The following NEK4 variants were observed in gnomAD, a reference collection of about 807,000 sequenced individuals.
NEK4 encodes the protein serine/threonine-protein kinase Nek4.
A neutral mutation model predicts 98.4 loss-of-function variants in NEK4; 86 were observed. The observed-to-expected ratio is 0.87, with a 90% CI of 0.73 to 1.05. The LOEUF is 1.05. NEK4 is among the 50% of genes least tolerant of loss of function. The probability of loss-of-function intolerance (pLI) is 0.00; values close to 1 mark genes in which losing one functional copy is unlikely to be tolerated. For missense variants in NEK4, 898 were observed against 950.3 expected (o/e 0.94, Z 0.72); for synonymous variants, 328 against 342.2 (o/e 0.96, Z 0.46).
At chr3:52,751,108 C>T (rs139934524) in intron 7 of NEK4, among the ~76,000 whole-genome samples, 69 of 151,676 alleles carry the variant, frequency 4.5e-4, no homozygotes, top group Middle Eastern at 3.4e-3. Flanking sequence ...GTCGGGAGTT[C>T]GAGACCAGCC....
chr3:52,757,344 G>C (rs981736279), intron 6 of NEK4, among the ~76,000 whole-genome samples: 2 of 152,172 alleles, frequency 1.3e-5, no homozygotes, highest in Admixed American at 1.3e-4. Flanking sequence ...GATTACCTGA[G>C]GTCAGGAGTT....
chr3:52,742,063 C>T (rs1389145674), intron 12 of NEK4, among the ~76,000 whole-genome samples: 1 of 152,194 alleles, frequency 6.6e-6, no homozygotes, highest in East Asian at 1.9e-4. Context: ...CAGGCATGAG[C>T]TACCGCGCCT....
intron 15 of NEK4, among the ~76,000 whole-genome samples, chr3:52,716,376 G>A (rs1270424962): frequency 6.6e-6 from 1 of 152,172 alleles, no homozygotes; most frequent in Non-Finnish European, 1.5e-5. Flanking sequence ...TCACCAAACC[G>A]AAATTGAGCT....
chr3:52,754,689 A>G (rs2097411595), intron 6 of NEK4: 1 of 575,060 alleles, frequency 1.7e-6, no homozygotes, highest in Admixed American at 2.0e-5. Context: ...AACAGTAGCA[A>G]CTTAAGAGAT....
Position 52,739,573 on chromosome 3 carries a change from C to A in NEK4, c.2155G>T (p.Asp719Tyr), listed in dbSNP as rs1029055806. 6.2e-7 allele frequency: 1 copy of A among 1,614,102 alleles called. No individual in the cohort carries two copies. Among genetic ancestry groups the A allele is most frequent in the Admixed American group, 1.7e-5 (1 of 60,014 alleles). ...VQLMTQTLKL[D>Y]SKESCEDVPV... ...ACATCTTCACAGCTCTCTTTAGAATCCAGTTTCAGGGTCTGAGTCATCAAT... is the reference window on the plus strand; with the variant it reads ...ACATCTTCACAGCTCTCTTTAGAATACAGTTTCAGGGTCTGAGTCATCAAT... Residue 719 changes from aspartate to tyrosine, a missense_variant, in exon 14 of 16, where the codon GAT (aspartate) becomes TAT (tyrosine). Transcript: ENST00000233027.
chr3:52,755,616 C>T (rs112773704), intron 6 of NEK4, among the ~76,000 whole-genome samples: 5,031 of 152,054 alleles, frequency 0.033, 275 homozygotes, highest in African/African-American at 0.11. Context: ...AGCTTTTCCT[C>T]TAAGATCAGG....
chr3:52,762,863 A>C (rs982473962), intron 5 of NEK4, among the ~76,000 whole-genome samples: 1 of 152,122 alleles, frequency 6.6e-6, no homozygotes, highest in Non-Finnish European at 1.5e-5. Flanking sequence ...CCTGGGTGAC[A>C]CAGCAAGACT....
At chr3:52,751,126 C>T (rs2097404159) in intron 7 of NEK4, among the ~76,000 whole-genome samples, 1 of 152,050 alleles carries the variant, frequency 6.6e-6, no homozygotes, top group South Asian at 2.1e-4. Flanking sequence ...GCCTGACCAA[C>T]ATGAAGAAAC....
intron 15 of NEK4, among the ~76,000 whole-genome samples, chr3:52,718,467 C>T (rs1467988640): frequency 1.2e-4 from 14 of 117,752 alleles, no homozygotes; most frequent in South Asian, 8.1e-4. Context: ...AGTAAGACTC[C>T]GTCTCAAAAA....
chr3:52,754,158 T>C, intron 6 of NEK4: 1 of 267,068 alleles, frequency 3.7e-6, no homozygotes, highest in South Asian at 4.3e-5. Flanking sequence ...CGAGACTCCG[T>C]CTCAAAAACA....
intron 15 of NEK4, among the ~76,000 whole-genome samples, chr3:52,722,946 G>A (rs911403018): frequency 2.0e-5 from 3 of 152,194 alleles, no homozygotes; most frequent in African/African-American, 7.2e-5. Flanking sequence ...GCTCACACCT[G>A]AAATCTAAGT....
Position 52,766,162 on chromosome 3 carries a change from C to G in NEK4, c.558+16G>C, listed in dbSNP as rs2154107004. On this transcript the variant is annotated intron_variant, in intron 3 of 15. Coordinates refer to ENST00000233027, the MANE Select transcript of NEK4 (RefSeq NM_003157.6). ...CCCAGAGACAAGGTAAGCCAGCATA[C>G]AGAGCCCAATCCTACCTTATAGTTG... 6.2e-7 allele frequency: 1 copy of G among 1,610,684 alleles called. No homozygotes were observed. The highest frequency in any genetic ancestry group is 2.2e-5 in the East Asian group (1 of 44,860).
rs142804627 is a variant in NEK4 at position 52,752,067 on chromosome 3, C to A, written c.1233G>T (p.Leu411=). The A allele has an allele frequency of 1.5e-4, 244 of 1,614,220 alleles. 1 individual carries two copies. The African/African-American group carries it at 2.5e-3, about 17-fold the overall frequency. The change falls in exon 7 of 16, where the codon CTG becomes CTT. Residue 411 remains leucine (L), a synonymous_variant. Transcript: ENST00000233027. ...CSISQVEEEM[L]QDNTKSSAQP... ...GGGCACTGGATTTAGTGTTGTCCTG[C>A]AGCATCTCCTCTTCCACTTGAGAAA...
chr3:52,739,388 G>C, intron 14 of NEK4, 41 bp downstream of exon 14: 1 of 1,539,460 alleles, frequency 6.5e-7, no homozygotes, highest in Non-Finnish European at 9.0e-7. Flanking sequence ...GACAGAGTGA[G>C]ACTCCGTCTA....
At position 52,732,890 on chromosome 3, in the gene NEK4, C is replaced by A. The variant is rs1263025801; in HGVS notation, c.2433+4696G>T. 1.3e-5 allele frequency: 3 copies of A among 230,006 alleles called. No individual in the cohort carries two copies. In the South Asian group the frequency reaches 2.4e-4, roughly 19 times the overall value. The allele number at this position is 230,006 out of a possible 1,614,324, so 14.2% of individuals were successfully genotyped here. A position where few individuals can be genotyped will look rare whatever the true frequency, so the allele number is the denominator to read the frequency against. Reference sequence around the variant, plus strand: ...TACAGAAAATGAGCCTATTAAAAATCAACTTGGATTAACCTTCAGTCACAT... The same window carrying A: ...TACAGAAAATGAGCCTATTAAAAATAAACTTGGATTAACCTTCAGTCACAT... On this transcript the variant is annotated intron_variant, in intron 15 of 15. Coordinates refer to ENST00000233027, the MANE Select transcript of NEK4 (RefSeq NM_003157.6).
At chr3:52,717,868 C>A (rs2097356628) in intron 15 of NEK4, among the ~76,000 whole-genome samples, 1 of 152,064 alleles carries the variant, frequency 6.6e-6, no homozygotes, top group Non-Finnish European at 1.5e-5. Flanking sequence ...CAGCTCACTG[C>A]AACCTCTGCC....
Position 52,752,915 on chromosome 3 carries a change from A to AT in NEK4, c.964-580_964-579insA, listed in dbSNP as rs1311627299. ...AACCCTGCCTCAAAAAAAAAAAAAA[A>AT]AAATATATATATATATATACACACA... On this transcript the variant is annotated intron_variant, in intron 6 of 15. Coordinates refer to ENST00000233027, the MANE Select transcript of NEK4 (RefSeq NM_003157.6). 8.4e-4 allele frequency among the ~76,000 whole-genome samples: 50 copies of AT among 59,466 alleles called. 1 individual carries two copies. Among genetic ancestry groups the AT allele is most frequent in the South Asian group, 1.4e-3 (4 of 2,928 alleles). The allele number at this position is 59,466 out of a possible 152,430, so 39.0% of individuals were successfully genotyped here.
rs373596899 is a variant in NEK4 at position 52,752,189 on chromosome 3, G to T, written c.1111C>A (p.Pro371Thr). 2.5e-6 allele frequency: 4 copies of T among 1,614,042 alleles called. No homozygotes were observed. The African/African-American group carries it at 5.3e-5, about 22-fold the overall frequency. The change falls in exon 7 of 16, where the codon CCT becomes ACT. Residue 371 changes from proline to threonine, a missense_variant. By Grantham distance (38) the Pro-to-Thr change is conservative. Transcript: ENST00000233027. ...TISSVNIDIL[P>T]AKGRDSVSDG... ...CTCACTGAATCCCTCCCTTTTGCAG[G>T]TAAGATGTCAATATTTACGCTACTG...
rs564549842 is a variant in NEK4, at chr3:52,744,665, C to T, written c.1828-360G>A. On this transcript the variant is annotated intron_variant, in intron 10 of 15. Coordinates refer to ENST00000233027, the MANE Select transcript of NEK4 (RefSeq NM_003157.6). ...CGCCATTGCACTCCAGCCTGGGTGA[C>T]AGAGCAAGACTCCATCTCAAAAAAA... Among the ~76,000 whole-genome samples, 7 of 120,062 alleles carry T rather than the reference C, an allele frequency of 5.8e-5. No individual in the cohort carries two copies. The Admixed American group carries it at 8.3e-4, about 14-fold the overall frequency. 78.8% of individuals were successfully genotyped at this position (120,062 alleles called of 152,430 possible). A position where few individuals can be genotyped will look rare whatever the true frequency, so the allele number is the denominator to read the frequency against.
Sources: allele counts gnomAD v4.1 joint callset (sites outside exome capture counted in the v4.1 genomes callset), GRCh38; gene constraint gnomAD v4.1.1; transcripts MANE v1.5; gene names NCBI Gene and HGNC (gene_info 2026-07-23, HGNC 2026-07-21).